SORCS1: variants seen among roughly 807,000 people sequenced by gnomAD.
SORCS1 encodes VPS10 domain-containing receptor SorCS1.
A neutral mutation model predicts 146.1 loss-of-function variants in SORCS1; 60 were observed. The ratio of observed to expected loss-of-function variants is 0.41; its 90% CI spans 0.33 to 0.51. The LOEUF is 0.51. Ranked by LOEUF, SORCS1 falls within the 20% of genes least tolerant of loss-of-function variation. The pLI is 0.21. For synonymous variants in SORCS1, 637 were observed against 584.0 expected, an observed-to-expected ratio of 1.09 and a Z score of -1.31; for missense variants, 1,352 against 1,487.6, an observed-to-expected ratio of 0.91 and a Z score of 1.50.
the SORCS1 span, among the ~76,000 whole-genome samples, chr10:107,180,611 G>A: frequency 6.6e-6 from 1 of 151,716 alleles, no homozygotes; most frequent in South Asian, 2.1e-4. Flanking sequence ...ACCATTTTCT[G>A]TTTTCAACTT....
chr10:106,766,325 A>C (rs1305897264), intron 4 of SORCS1, among the ~76,000 whole-genome samples: 3 of 152,170 alleles, frequency 2.0e-5, no homozygotes, highest in Non-Finnish European at 4.4e-5. Flanking sequence ...CAAAGCACTC[A>C]TCCACCTTAT....
chr10:106,947,422 G>C (rs566496298), intron 2 of SORCS1, among the ~76,000 whole-genome samples: 10 of 152,328 alleles, frequency 6.6e-5, no homozygotes, highest in African/African-American at 2.4e-4. Context: ...TATCGGAAAG[G>C]TAATGGAGAA....
At chr10:106,715,125 C>T (rs1009091685) in intron 6 of SORCS1, among the ~76,000 whole-genome samples, 2 of 152,208 alleles carry the variant, frequency 1.3e-5, no homozygotes, top group Non-Finnish European at 2.9e-5. Context: ...AAGCACTCAT[C>T]CCCCTTGGGG....
chr10:106,696,446 G>A (rs528605923), intron 9 of SORCS1, among the ~76,000 whole-genome samples: 37 of 152,166 alleles, frequency 2.4e-4, no homozygotes, highest in Non-Finnish European at 4.9e-4. Context: ...CAGCAGATAC[G>A]GCACTGCCGT....
intron 1 of SORCS1, among the ~76,000 whole-genome samples, chr10:107,112,305 T>A (rs932437791): frequency 6.6e-6 from 1 of 152,052 alleles, no homozygotes; most frequent in Non-Finnish European, 1.5e-5. Context: ...TAATTTGTTA[T>A]CAGCTAAACT....
intron 1 of SORCS1, among the ~76,000 whole-genome samples, chr10:106,980,275 C>T (rs10884396): frequency 0.78 from 118,247 of 152,186 alleles, 46,394 homozygotes; most frequent in African/African-American, 0.87. Flanking sequence ...TAATTGTATG[C>T]CTGTGATCTA....
intron 1 of SORCS1, among the ~76,000 whole-genome samples, chr10:107,001,379 T>A (rs1315594635): frequency 1.3e-5 from 2 of 152,046 alleles, no homozygotes; most frequent in Non-Finnish European, 2.9e-5. Context: ...TACTCCAACA[T>A]CGTATACAGA....
chr10:106,826,494 A>G (rs780598053), intron 3 of SORCS1, among the ~76,000 whole-genome samples: 4 of 152,230 alleles, frequency 2.6e-5, no homozygotes, highest in Non-Finnish European at 5.9e-5. Flanking sequence ...TTTTAACATA[A>G]ATTCTCATTG....
At chr10:107,138,050 A>G (rs983749832) in intron 1 of SORCS1, among the ~76,000 whole-genome samples, 6 of 152,194 alleles carry the variant, frequency 3.9e-5, no homozygotes, top group Admixed American at 3.9e-4. Flanking sequence ...AAAAATTTCC[A>G]TTATTATCAC....
intron 1 of SORCS1, among the ~76,000 whole-genome samples, chr10:106,957,155 G>GT (rs373309411): frequency 0.56 from 76,415 of 135,820 alleles, 22,378 homozygotes; most frequent in Non-Finnish European, 0.66. Context: ...TTAGCATGTG[G>GT]TTTTTTTTTG....
At chr10:106,694,497 T>C (rs1224193585) in intron 9 of SORCS1, among the ~76,000 whole-genome samples, 1 of 152,214 alleles carries the variant, frequency 6.6e-6, no homozygotes, top group African/African-American at 2.4e-5. Context: ...TTCTTCTGCC[T>C]CTGCCTCCTA....
At chr10:106,753,289 G>C (rs935361274) in intron 5 of SORCS1, among the ~76,000 whole-genome samples, 2 of 152,150 alleles carry the variant, frequency 1.3e-5, no homozygotes, top group Admixed American at 6.5e-5. Context: ...AGAGGAAAGA[G>C]TTACAGCCAT....
At chr10:106,643,029 A>C (rs1308525418) in intron 18 of SORCS1, among the ~76,000 whole-genome samples, 2 of 152,210 alleles carry the variant, frequency 1.3e-5, no homozygotes, top group Non-Finnish European at 2.9e-5. Context: ...ACAGAGGCTT[A>C]GGAGCTACAT....
At chr10:106,901,871 G>C (rs1951719772) in intron 2 of SORCS1, among the ~76,000 whole-genome samples, 1 of 152,086 alleles carries the variant, frequency 6.6e-6, no homozygotes, top group Non-Finnish European at 1.5e-5. Context: ...GTGAAACCCT[G>C]CCTTTATTAA....
At chr10:106,930,883 G>T (rs778888900) in intron 2 of SORCS1, among the ~76,000 whole-genome samples, 18 of 152,252 alleles carry the variant, frequency 1.2e-4, no homozygotes, top group Non-Finnish European at 2.1e-4. Context: ...TGGGGAATCT[G>T]CCCTTCAAAG....
intron 24 of SORCS1, among the ~76,000 whole-genome samples, chr10:106,585,357 A>G (rs776750523): frequency 6.6e-6 from 1 of 152,190 alleles, no homozygotes; most frequent in African/African-American, 2.4e-5. Flanking sequence ...CTCACTCATA[A>G]AACTTCCAGT....
chr10:106,979,845 G>A (rs1425798687), intron 1 of SORCS1, among the ~76,000 whole-genome samples: 1 of 150,484 alleles, frequency 6.6e-6, no homozygotes, highest in Non-Finnish European at 1.5e-5. Flanking sequence ...TTAACCTCTA[G>A]ATGCTCCAGT....
intron 1 of SORCS1, among the ~76,000 whole-genome samples, chr10:107,077,910 G>T (rs554444617): frequency 2.0e-5 from 3 of 151,978 alleles, no homozygotes; most frequent in Non-Finnish European, 4.4e-5. Flanking sequence ...AGAGAATTAG[G>T]GTGAGAATTT....
At position 107,153,149 on chromosome 10, in the gene SORCS1, T is replaced by C. The variant is rs191224611; in HGVS notation, c.558+10820A>G. Among the ~76,000 whole-genome samples, 8 of 152,142 alleles carry C rather than the reference T, an allele frequency of 5.3e-5. No individual in the cohort carries two copies. In the East Asian group the frequency reaches 1.2e-3, roughly 22 times the overall value. On this transcript the variant is annotated intron_variant, in intron 1 of 25. Coordinates refer to ENST00000263054, the MANE Select transcript of SORCS1 (RefSeq NM_052918.5). ...TTTTCTGTCTTCCATATATCTGTTATTTATGTCTCTCTGTCTCCTTCTCTC... is the reference window on the plus strand; with the variant it reads ...TTTTCTGTCTTCCATATATCTGTTACTTATGTCTCTCTGTCTCCTTCTCTC...
Sources: allele counts gnomAD v4.1 joint callset (sites outside exome capture counted in the v4.1 genomes callset), GRCh38; gene constraint gnomAD v4.1.1; transcripts MANE v1.5; gene names NCBI Gene and HGNC (gene_info 2026-07-23, HGNC 2026-07-21).